TMEM183A: variants seen among roughly 807,000 people sequenced by gnomAD.
TMEM183A encodes the protein chromosome 1 open reading frame 37.
In TMEM183A, 21 loss-of-function variants were observed where a neutral mutation model predicts 46.7. That is an observed-to-expected ratio of 0.45 (90% CI 0.32 to 0.65). TMEM183A has a LOEUF of 0.65. Ranked by LOEUF, TMEM183A falls within the 30% of genes least tolerant of loss-of-function variation. The pLI, the probability that TMEM183A is intolerant of heterozygous loss-of-function variation, is 0.04. For missense variants in TMEM183A, 331 were observed against 481.9 expected (o/e 0.69, Z 2.93); for synonymous variants, 165 against 180.2 (o/e 0.92, Z 0.68).
chr1:203,008,726 G>A lies in TMEM183A; in HGVS notation c.283G>A (p.Asp95Asn). Residue 95 changes from aspartate to asparagine, a missense_variant, in exon 3 of 8, where the codon GAC becomes AAC. By Grantham distance (23) the Asp-to-Asn change is conservative (BLOSUM62 1). This residue lies in a region of TMEM183A where 233 missense variants were observed against 385.8 expected (regional missense o/e 0.60). Coordinates refer to ENST00000367242, the MANE Select transcript of TMEM183A (RefSeq NM_138391.6). ...SGAGEPCDII[D>N]SSDEMDAQEE... is the part of the protein sequence containing the mutation. The stretch of plus-strand genomic sequence containing the variant: ...GGCTGGTGAGCCCTGTGACATCATC[G>A]ACAGCAGTGATGAGATGGATGCCCA... 6.2e-7 allele frequency: 1 copy of A among 1,610,068 alleles called. No homozygotes were observed. The highest frequency in any genetic ancestry group is 8.5e-7 in the Non-Finnish European group (1 of 1,178,190).
intron 3 of TMEM183A, among the ~76,000 whole-genome samples, chr1:203,012,268 C>CACACACACACACAT (rs1212238460): frequency 1.5e-4 from 23 of 149,446 alleles, no homozygotes; most frequent in Admixed American, 1.1e-3. Flanking sequence ...CACACACACA[C>CACACACACACACAT]ACACACACAC....
chr1:203,020,988 T>A lies in TMEM183A; in HGVS notation c.945+40T>A, dbSNP rs771345471. The A allele has an allele frequency of 8.1e-6, 12 of 1,474,862 alleles. No individual in the cohort carries two copies. In the Admixed American group the frequency reaches 2.9e-4, roughly 36 times the overall value. The allele number at this position is 1,474,862 out of a possible 1,614,324, so 91.4% of individuals were successfully genotyped here. ...AGGATGTCATTCTCAGCTCCTTTTT[T>A]TTTTTTTTTTTCATTCTGAAAGGAG... On this transcript the variant is annotated intron_variant, in intron 7 of 7. Coordinates refer to ENST00000367242, the MANE Select transcript of TMEM183A (RefSeq NM_138391.6).
In TMEM183A at chr1:203,013,187, C is replaced by T. The variant is rs1199408677; in HGVS notation, c.368-1702C>T. On this transcript the variant is annotated intron_variant, in intron 3 of 7. Coordinates refer to ENST00000367242, the MANE Select transcript of TMEM183A (RefSeq NM_138391.6). The surrounding 1 kb of genome is among the most constrained non-coding windows in gnomAD (Gnocchi z 4.0). ...TGATGATGTTTTAGACATATTGGGT[C>T]TCTGTTGTGAAGAACCTAACCAAAT... Among the ~76,000 whole-genome samples the T allele has an allele frequency of 6.6e-6, 1 of 152,152 alleles. No homozygotes were observed. The highest frequency in any genetic ancestry group is 1.5e-5 in the Non-Finnish European group (1 of 68,032).
rs1235576587 is a variant in TMEM183A at position 203,016,829 on chromosome 1, A to G, written c.708+689A>G. On this transcript the variant is annotated intron_variant, in intron 5 of 7. Coordinates refer to ENST00000367242, the MANE Select transcript of TMEM183A (RefSeq NM_138391.6). ...ATTCTTCTGATTTGTAAATATGTCT[A>G]CTAGCCTTTGGTCCATTCTCTCTTT... is the stretch of plus-strand genomic sequence containing the variant. 3.3e-5 allele frequency among the ~76,000 whole-genome samples: 5 copies of G among 152,314 alleles called. No individual in the cohort carries two copies. The East Asian group carries it at 5.8e-4, about 18-fold the overall frequency.
At chr1:203,008,908 A>T in intron 3 of TMEM183A, 98 bp downstream of exon 3, 1 of 1,249,744 alleles carries the variant, frequency 8.0e-7, no homozygotes, top group Non-Finnish European at 1.0e-6. Flanking sequence ...ATAAGACGTG[A>T]TACCAGGAGA....
intron 2 of TMEM183A, 119 bp downstream of exon 2, chr1:203,007,982 G>A: frequency 2.4e-6 from 3 of 1,267,554 alleles, no homozygotes; most frequent in Non-Finnish European, 3.3e-6. Flanking sequence ...TTTCGTTAGT[G>A]TTAACTTACA....
At chr1:203,012,907 T>G (rs765787981) in intron 3 of TMEM183A, among the ~76,000 whole-genome samples, 13 of 152,160 alleles carry the variant, frequency 8.5e-5, no homozygotes, top group Non-Finnish European at 1.5e-4. Flanking sequence ...TTTTTAAGTT[T>G]TTTGTAGAGA....
At chr1:203,007,886 A>G (rs780276061) in intron 2 of TMEM183A, 23 bp downstream of exon 2, 61 of 1,613,586 alleles carry the variant, frequency 3.8e-5, no homozygotes, top group Admixed American at 6.7e-5. Context: ...CGAGCCTTTA[A>G]AGACTCATGC....
chr1:203,014,780 T>TTTTTGCACAG (rs1657001306), intron 3 of TMEM183A, 109 bp from the exon 4 acceptor site: 1 of 1,466,282 alleles, frequency 6.8e-7, no homozygotes, highest in East Asian at 2.4e-5. Flanking sequence ...CTTGGACCTA[T>TTTTTGCACAG]TTAAAACCAT....
At chr1:203,008,536 T>G in intron 2 of TMEM183A, 107 bp from the exon 3 acceptor site, 1 of 651,232 alleles carries the variant, frequency 1.5e-6, no homozygotes. Flanking sequence ...CTCTCAACGA[T>G]GTTTTTTTTC....
chr1:203,015,226 C>A, intron 4 of TMEM183A, 178 bp downstream of exon 4: 1 of 927,072 alleles, frequency 1.1e-6, no homozygotes, highest in Non-Finnish European at 1.6e-6. Context: ...TATTAATTAT[C>A]CAGGTAATTG....
At chr1:203,012,185 C>CACACACACT (rs60471086) in intron 3 of TMEM183A, among the ~76,000 whole-genome samples, 1 of 114,794 alleles carries the variant, frequency 8.7e-6, no homozygotes, top group Non-Finnish European at 1.8e-5. Context: ...CACACACACA[C>CACACACACT]GGTTATTTTG....
chr1:203,016,338 G>A, intron 5 of TMEM183A, 198 bp downstream of exon 5: 1 of 658,808 alleles, frequency 1.5e-6, no homozygotes, highest in South Asian at 1.9e-5. Flanking sequence ...TTACCTTAAA[G>A]CTTTCTGGTG....
rs1658057253 is a variant in TMEM183A at position 203,024,830 on chromosome 1, A to G, written c.*1790A>G. 6.6e-6 allele frequency: 1 copy of G among 152,164 alleles called. No individual in the cohort carries two copies. The highest frequency in any genetic ancestry group is 1.5e-5 in the Non-Finnish European group (1 of 68,042). 9.4% of individuals were successfully genotyped at this position (152,164 alleles called of 1,614,324 possible). A position where few individuals can be genotyped will look rare whatever the true frequency, so the allele number is the denominator to read the frequency against. The stretch of plus-strand genomic sequence containing the variant: ...TACCTTTAAAAAGGGGGTGAAATAA[A>G]TTTGGCTTAATAATTGTATTCTGAC... On this transcript the variant is annotated 3_prime_UTR_variant, in exon 8 of 8. Transcript: ENST00000367242.
chr1:203,024,393 G>A lies in TMEM183A; in HGVS notation c.*1353G>A, dbSNP rs1407073540. The A allele has an allele frequency of 2.0e-5, 3 of 151,934 alleles. No individual in the cohort carries two copies. Among genetic ancestry groups the A allele is most frequent in the Non-Finnish European group, 2.9e-5 (2 of 68,028 alleles). 9.4% of individuals were successfully genotyped at this position (151,934 alleles called of 1,614,324 possible). A position where few individuals can be genotyped will look rare whatever the true frequency, so the allele number is the denominator to read the frequency against. On this transcript the variant is annotated 3_prime_UTR_variant, in exon 8 of 8. Coordinates refer to ENST00000367242, the MANE Select transcript of TMEM183A (RefSeq NM_138391.6). ...CCATCCAAAATTAACCAGTGAGCTGGATATTACCTGGATATTGCCAGGAGG... is the reference window on the plus strand; with the variant it reads ...CCATCCAAAATTAACCAGTGAGCTGAATATTACCTGGATATTGCCAGGAGG...
At chr1:203,019,488 G>A (rs945035405) in intron 6 of TMEM183A, among the ~76,000 whole-genome samples, 2 of 152,134 alleles carry the variant, frequency 1.3e-5, no homozygotes, top group African/African-American at 2.4e-5. Flanking sequence ...ATATGTAAGT[G>A]TATGCTGAAT....
In TMEM183A at chr1:203,019,923, G is replaced by T. The variant is rs552960773; in HGVS notation, c.790-870G>T. On this transcript the variant is annotated intron_variant, in intron 6 of 7. Transcript: ENST00000367242. ...GAATTATGAGCAGATATGGCAATAG[G>T]TTTATGGGTTTCTCTCTCACTATGC... 1.1e-3 allele frequency among the ~76,000 whole-genome samples: 145 copies of T among 137,930 alleles called. 1 individual carries two copies. Among genetic ancestry groups the T allele is most frequent in the African/African-American group, 3.7e-3 (138 of 37,582 alleles). The allele number at this position is 137,930 out of a possible 152,430, so 90.5% of individuals were successfully genotyped here.
At chr1:203,008,354 C>G (rs567630104) in intron 2 of TMEM183A, among the ~76,000 whole-genome samples, 1 of 152,098 alleles carries the variant, frequency 6.6e-6, no homozygotes, top group African/African-American at 2.4e-5. Flanking sequence ...CAGCTTTTAT[C>G]CTGCAGGGTT....
rs1656071069 is a variant in TMEM183A, at chr1:203,007,589, C to A, written c.109+15C>A. The A allele has an allele frequency of 3.2e-6, 5 of 1,541,080 alleles. No individual in the cohort carries two copies. Among genetic ancestry groups the A allele is most frequent in the South Asian group, 2.4e-5 (2 of 84,916 alleles). On this transcript the variant is annotated intron_variant, in intron 1 of 7. Transcript: ENST00000367242. ...CTCCGGCCGAGGTGGGCGAGGGGGG[C>A]AGGGGCGCTGAAACATTTTGGGGGC...
Sources: allele counts gnomAD v4.1 joint callset (sites outside exome capture counted in the v4.1 genomes callset), GRCh38; gene constraint gnomAD v4.1.1; regional missense constraint gnomAD v4.1.1; non-coding constraint Gnocchi (gnomAD v3.1); transcripts MANE v1.5; gene names NCBI Gene and HGNC (gene_info 2026-07-23, HGNC 2026-07-21).